The following OR51B5 variants were observed in gnomAD, a reference collection of about 807,000 sequenced individuals.
OR51B5 encodes olfactory receptor 51B5.
For missense variants in OR51B5, 456 were observed against 374.6 expected, an observed-to-expected ratio of 1.22 and a Z score of -1.79; for synonymous variants, 186 against 144.8, an observed-to-expected ratio of 1.28 and a Z score of -2.04.
chr11:5,489,429 G>A lies in OR51B5; in HGVS notation n.84+16140C>T, dbSNP rs749338005. On this transcript the variant is annotated intron_variant and non_coding_transcript_variant, in intron 1 of 4. Coordinates refer to the OR51B5 transcript ENST00000415970. ...CTCATGATGCCCAGCACAAAGCTCT[G>A]AGTACCTGTGGCTCCCACATTGGCA... 1.9e-6 allele frequency: 3 copies of A among 1,613,844 alleles called. No individual in the cohort carries two copies. In the South Asian group the frequency reaches 3.3e-5, roughly 18 times the overall value.
chr11:5,472,406 G>T (rs1851242246), intron 1 of OR51B5, among the ~76,000 whole-genome samples: 1 of 152,096 alleles, frequency 6.6e-6, no homozygotes, highest in East Asian at 1.9e-4. Flanking sequence ...CTGGTGGGTG[G>T]GAGGAGAGAG....
intron 1 of OR51B5, among the ~76,000 whole-genome samples, chr11:5,484,513 TA>T (rs1474877279): frequency 0.013 from 2,042 of 152,292 alleles, 34 homozygotes; most frequent in African/African-American, 0.043. Flanking sequence ...TTTCCCCTAT[TA>T]ACACAGGTCA....
intron 1 of OR51B5, among the ~76,000 whole-genome samples, chr11:5,438,694 A>G (rs542424185): frequency 7.2e-5 from 11 of 152,316 alleles, no homozygotes; most frequent in Admixed American, 1.3e-4. Flanking sequence ...GATAATGGTA[A>G]TACTAAACAA....
intron 1 of OR51B5, chr11:5,354,588 C>T (rs961522593): frequency 6.4e-6 from 1 of 156,068 alleles, no homozygotes; most frequent in African/African-American, 2.4e-5. Flanking sequence ...ACAGTAGGGT[C>T]GAAGACCTCA....
At chr11:5,379,560 G>A (rs1388763966) in intron 1 of OR51B5, among the ~76,000 whole-genome samples, 1 of 151,956 alleles carries the variant, frequency 6.6e-6, no homozygotes, top group Non-Finnish European at 1.5e-5. Context: ...TGTATGCAAT[G>A]TGTCTTTTTC....
chr11:5,505,382 C>T (rs1846357455), intron 1 of OR51B5: 2 of 1,298,784 alleles, frequency 1.5e-6, no homozygotes, highest in South Asian at 1.2e-5. Flanking sequence ...AGAGGCAAGA[C>T]TTTCCTCTTC....
chr11:5,407,960 A>G (rs1405014374), intron 1 of OR51B5, among the ~76,000 whole-genome samples: 1 of 152,164 alleles, frequency 6.6e-6, no homozygotes, highest in African/African-American at 2.4e-5. Flanking sequence ...TTGAGAGAAT[A>G]TATTTTGAAA....
At chr11:5,449,507 T>C (rs1023807423) in intron 1 of OR51B5, 5 of 152,444 alleles carry the variant, frequency 3.3e-5, no homozygotes, top group Non-Finnish European at 1.5e-5. Context: ...CTTAGTAGAA[T>C]GAGCAAAGGA....
chr11:5,453,972 C>T (rs1441179782), intron 1 of OR51B5: 1 of 1,613,932 alleles, frequency 6.2e-7, no homozygotes, highest in African/African-American at 1.3e-5. Flanking sequence ...TCTTCCCTTT[C>T]TTATTAAGAG....
intron 1 of OR51B5, among the ~76,000 whole-genome samples, chr11:5,366,569 A>G (rs1463262345): frequency 6.6e-6 from 1 of 151,948 alleles, no homozygotes; most frequent in Admixed American, 6.6e-5. Flanking sequence ...AGATCGCGCC[A>G]TTGCACTCCA....
chr11:5,352,382 T>A (rs1849110784), intron 1 of OR51B5: 1 of 1,613,410 alleles, frequency 6.2e-7, no homozygotes, highest in Non-Finnish European at 8.5e-7. Context: ...ATCTATAGCA[T>A]TAAAACTAAG....
chr11:5,386,365 T>G (rs895767860), intron 1 of OR51B5, among the ~76,000 whole-genome samples: 3 of 152,158 alleles, frequency 2.0e-5, no homozygotes, highest in Non-Finnish European at 4.4e-5. Context: ...GGTTCATATC[T>G]TATCCTGATT....
chr11:5,382,429 T>C (rs1170931232), intron 1 of OR51B5, among the ~76,000 whole-genome samples: 1 of 152,204 alleles, frequency 6.6e-6, no homozygotes, highest in Non-Finnish European at 1.5e-5. Flanking sequence ...GTCCATCTCT[T>C]ACATTGCGCT....
At chr11:5,453,302 T>G (rs911949749) in intron 1 of OR51B5, 26 of 433,290 alleles carry the variant, frequency 6.0e-5, no homozygotes, top group African/African-American at 4.7e-4. Flanking sequence ...TCATAAAATA[T>G]GAAGAAAAGG....
intron 1 of OR51B5, among the ~76,000 whole-genome samples, chr11:5,428,104 AAACT>A (rs144130970): frequency 0.033 from 4,381 of 130,958 alleles, 187 homozygotes; most frequent in African/African-American, 0.12. Context: ...AATTTACTTT[AAACT>A]AAGTATATTT....
At chr11:5,387,795 T>TA in intron 1 of OR51B5, among the ~76,000 whole-genome samples, 1 of 152,214 alleles carries the variant, frequency 6.6e-6, no homozygotes, top group South Asian at 2.1e-4. Context: ...TAAAATTACC[T>TA]ACTCAGAGAG....
intron 1 of OR51B5, among the ~76,000 whole-genome samples, chr11:5,484,378 C>T (rs2084418856): frequency 6.6e-6 from 1 of 152,150 alleles, no homozygotes; most frequent in Admixed American, 6.5e-5. Flanking sequence ...TAGATAATCA[C>T]AGAGTAGCAG....
rs549654505 is a variant in OR51B5 at position 5,383,048 on chromosome 11, T to G, written n.85-36138A>C. Among the ~76,000 whole-genome samples the G allele has an allele frequency of 2.6e-5, 4 of 152,318 alleles. No individual in the cohort carries two copies. The South Asian group carries it at 8.3e-4, about 32-fold the overall frequency. ...AAATGTACACATGACCTGATCACAT[T>G]AACTCAGGTTCTGTAGCATAGTCTG... On this transcript the variant is annotated intron_variant and non_coding_transcript_variant, in intron 1 of 4. Coordinates refer to the OR51B5 transcript ENST00000415970.
intron 1 of OR51B5, among the ~76,000 whole-genome samples, chr11:5,419,456 C>G (rs1185786305): frequency 1.3e-5 from 2 of 151,172 alleles, no homozygotes; most frequent in Non-Finnish European, 3.0e-5. Flanking sequence ...AAAAAAACTT[C>G]CATCTACACT....
Sources: gnomAD v4.1 joint callset for allele counts (sites outside exome capture counted in the v4.1 genomes callset) on GRCh38, gnomAD v4.1.1 for gene constraint, MANE v1.5 for transcripts, NCBI Gene and HGNC (gene_info 2026-07-23, HGNC 2026-07-21) for gene names.